PARD3B: variants seen among roughly 807,000 people sequenced by gnomAD.
PARD3B encodes par-3 family cell polarity regulator beta.
A neutral mutation model predicts 130.2 loss-of-function variants in PARD3B; 103 were observed. That is an observed-to-expected ratio of 0.79 (90% CI 0.67 to 0.93). The LOEUF is 0.93. Among genes scored for constraint, PARD3B ranks in the 40% least tolerant of loss-of-function variants. The pLI, the probability that PARD3B is intolerant of heterozygous loss-of-function variation, is 0.00. For synonymous variants in PARD3B, 583 were observed against 553.2 expected, an observed-to-expected ratio of 1.05 and a Z score of -0.76; for missense variants, 1,609 against 1,499.2, an observed-to-expected ratio of 1.07 and a Z score of -1.21.
At chr2:204,884,313 A>G (rs886358515) in intron 2 of PARD3B, among the ~76,000 whole-genome samples, 5 of 152,228 alleles carry the variant, frequency 3.3e-5, no homozygotes, top group African/African-American at 4.8e-5. Flanking sequence ...AAAGCTTTAT[A>G]ATTTGAATGC....
rs112663161 is a variant in PARD3B at position 205,060,245 on chromosome 2, G to C, written c.504+12555G>C. On this transcript the variant is annotated intron_variant, in intron 4 of 22. Transcript: ENST00000406610. ...AAAAAAGTCATTTCATCATTTTATA[G>C]TCACTATTTTTCCTTCAAAAATGGT... Among the ~76,000 whole-genome samples the C allele has an allele frequency of 5.8e-3, 889 of 152,062 alleles. 14 individuals are homozygous for C. Among genetic ancestry groups the C allele is most frequent in the African/African-American group, 0.021 (854 of 41,514 alleles).
chr2:205,459,701 C>G (rs1475773558), intron 20 of PARD3B, among the ~76,000 whole-genome samples: 3 of 152,134 alleles, frequency 2.0e-5, no homozygotes, highest in Admixed American at 6.5e-5. Flanking sequence ...GCTGCCTCTT[C>G]CCATCAGTCT....
chr2:204,939,362 G>T (rs1575365339), intron 2 of PARD3B, among the ~76,000 whole-genome samples: 1 of 152,208 alleles, frequency 6.6e-6, no homozygotes, highest in South Asian at 2.1e-4. Flanking sequence ...TAAAAAATGG[G>T]TTATATATTT....
At chr2:204,925,594 C>G (rs1165479168) in intron 2 of PARD3B, among the ~76,000 whole-genome samples, 1 of 152,034 alleles carries the variant, frequency 6.6e-6, no homozygotes, top group East Asian at 1.9e-4. Flanking sequence ...CGAGTCAAAA[C>G]TGTTTTTCAG....
intron 2 of PARD3B, among the ~76,000 whole-genome samples, chr2:204,897,129 C>T (rs965381567): frequency 6.6e-6 from 1 of 152,032 alleles, no homozygotes. Context: ...TTTATAAGGT[C>T]TTCACAAAAT....
intron 15 of PARD3B, among the ~76,000 whole-genome samples, chr2:205,226,198 C>G (rs533582809): frequency 2.5e-4 from 38 of 152,132 alleles, no homozygotes; most frequent in Non-Finnish European, 4.9e-4. Context: ...CCTGCCACCA[C>G]GCCCGGCTAA....
At chr2:205,393,156 G>T (rs574121871) in intron 18 of PARD3B, among the ~76,000 whole-genome samples, 1 of 152,274 alleles carries the variant, frequency 6.6e-6, no homozygotes. Flanking sequence ...CAGCATATGC[G>T]TATGCTAATT....
intron 2 of PARD3B, among the ~76,000 whole-genome samples, chr2:204,798,799 G>A (rs2042463659): frequency 6.6e-6 from 1 of 152,034 alleles, no homozygotes; most frequent in African/African-American, 2.4e-5. Context: ...AAGGGAACCC[G>A]ATGCCTTGAA....
At chr2:205,178,226 G>GA (rs996301798) in intron 13 of PARD3B, among the ~76,000 whole-genome samples, 2 of 145,648 alleles carry the variant, frequency 1.4e-5, no homozygotes, top group Admixed American at 1.3e-4. Context: ...TACTATGGGG[G>GA]GGGAAAAAAA....
chr2:205,191,018 T>TTATA (rs1340953951), intron 14 of PARD3B, among the ~76,000 whole-genome samples: 2 of 150,984 alleles, frequency 1.3e-5, no homozygotes, highest in East Asian at 3.9e-4. Flanking sequence ...TCTAATACAC[T>TTATA]TTATATATCA....
intron 16 of PARD3B, among the ~76,000 whole-genome samples, chr2:205,266,618 T>C (rs1431039720): frequency 6.6e-6 from 1 of 152,128 alleles, no homozygotes; most frequent in East Asian, 1.9e-4. Flanking sequence ...GTTGCTATTT[T>C]CTGTTGCATT....
chr2:204,803,364 C>T (rs1237917501), intron 2 of PARD3B, among the ~76,000 whole-genome samples: 2 of 151,708 alleles, frequency 1.3e-5, no homozygotes, highest in Admixed American at 1.3e-4. Context: ...CACTGGTAAT[C>T]GTAAGTATAA....
chr2:205,509,582 TG>T (rs1427794984), intron 21 of PARD3B, among the ~76,000 whole-genome samples: 2 of 152,134 alleles, frequency 1.3e-5, no homozygotes, highest in Admixed American at 6.5e-5. Flanking sequence ...AGCAATACTC[TG>T]GGGGACAAAT....
At chr2:204,771,366 G>C (rs530300376) in intron 2 of PARD3B, among the ~76,000 whole-genome samples, 1 of 152,196 alleles carries the variant, frequency 6.6e-6, no homozygotes, top group African/African-American at 2.4e-5. Context: ...GGATTTGCCA[G>C]CTTTGCTTTC....
At chr2:204,823,378 A>C (rs965198474) in intron 2 of PARD3B, among the ~76,000 whole-genome samples, 12 of 151,876 alleles carry the variant, frequency 7.9e-5, no homozygotes, top group African/African-American at 2.9e-4. Flanking sequence ...TTTTCAATAA[A>C]ATAATATATA....
At chr2:205,547,909 T>C (rs1300492038) in intron 21 of PARD3B, among the ~76,000 whole-genome samples, 1 of 152,136 alleles carries the variant, frequency 6.6e-6, no homozygotes, top group East Asian at 1.9e-4. Flanking sequence ...CTTTCCAGGC[T>C]CTGGAATTGA....
chr2:204,948,785 A>G (rs1419637781), intron 2 of PARD3B, among the ~76,000 whole-genome samples: 1 of 152,174 alleles, frequency 6.6e-6, no homozygotes, highest in Non-Finnish European at 1.5e-5. Flanking sequence ...TTGGTGATTC[A>G]CTATATGAAA....
intron 18 of PARD3B, among the ~76,000 whole-genome samples, chr2:205,360,061 A>T (rs760246731): frequency 2.0e-5 from 3 of 152,212 alleles, no homozygotes; most frequent in Non-Finnish European, 2.9e-5. Flanking sequence ...GTCTCCATCA[A>T]TACTTGGTAT....
intron 2 of PARD3B, among the ~76,000 whole-genome samples, chr2:204,956,604 T>C (rs1160442006): frequency 6.6e-6 from 1 of 151,926 alleles, no homozygotes; most frequent in Admixed American, 6.6e-5. Context: ...CCTCCCAAGA[T>C]AGTCAAAGCC....
Sources: allele counts gnomAD v4.1 joint callset (sites outside exome capture counted in the v4.1 genomes callset), GRCh38; gene constraint gnomAD v4.1.1; transcripts MANE v1.5; gene names NCBI Gene and HGNC (gene_info 2026-07-23, HGNC 2026-07-21).